The following OR4N2 variants were observed in gnomAD, a reference collection of about 807,000 sequenced individuals.
OR4N2 encodes olfactory receptor family 4 subfamily N member 2.
For missense variants in OR4N2, 307 were observed against 377.6 expected (o/e 0.81, Z 1.55); for synonymous variants, 141 against 140.4 (o/e 1.00, Z -0.03).
intron 1 of OR4N2, among the ~76,000 whole-genome samples, chr14:19,807,968 A>C (rs1879205469): frequency 6.6e-6 from 1 of 152,228 alleles, no homozygotes; most frequent in South Asian, 2.1e-4. Flanking sequence ...ACATAAACAT[A>C]ATAAGAGACA....
chr14:19,813,002 C>T (rs1344504945), intron 1 of OR4N2, among the ~76,000 whole-genome samples: 1 of 152,142 alleles, frequency 6.6e-6, no homozygotes, highest in East Asian at 1.9e-4. Flanking sequence ...AAAAATCTAT[C>T]CAAGGTGATA....
At chr14:19,815,047 C>T (rs1428287750) in intron 1 of OR4N2, among the ~76,000 whole-genome samples, 1 of 152,150 alleles carries the variant, frequency 6.6e-6, no homozygotes, top group African/African-American at 2.4e-5. Flanking sequence ...TATATGTGAC[C>T]CATTTTCTTT....
intron 1 of OR4N2, among the ~76,000 whole-genome samples, chr14:19,819,867 T>C (rs548280279): frequency 2.2e-3 from 330 of 152,364 alleles, no homozygotes; most frequent in African/African-American, 7.5e-3. Context: ...GTTGGGGTTT[T>C]TGGGTGGACA....
At chr14:19,820,870 T>A (rs1358539002) in intron 1 of OR4N2, among the ~76,000 whole-genome samples, 19 of 152,226 alleles carry the variant, frequency 1.2e-4, no homozygotes, top group Non-Finnish European at 2.9e-5. Context: ...CTGGGCTCCA[T>A]GGGGGTGGGA....
chr14:19,818,142 G>A (rs540986587), intron 1 of OR4N2, among the ~76,000 whole-genome samples: 2 of 152,354 alleles, frequency 1.3e-5, no homozygotes, highest in Admixed American at 6.5e-5. Flanking sequence ...GTGATGTGGT[G>A]CTGAGAAGAA....
chr14:19,823,381 C>T (rs796325717), intron 1 of OR4N2, among the ~76,000 whole-genome samples: 6 of 152,280 alleles, frequency 3.9e-5, no homozygotes, highest in African/African-American at 9.6e-5. Context: ...AGTGACTCAG[C>T]GTTGGCCAAC....
chr14:19,823,137 C>T (rs188956618), intron 1 of OR4N2, among the ~76,000 whole-genome samples: 94 of 152,334 alleles, frequency 6.2e-4, no homozygotes, highest in African/African-American at 2.2e-3. Context: ...TGTTCTCAGC[C>T]TGATTCACAC....
At chr14:19,812,559 C>T (rs1254063233) in intron 1 of OR4N2, among the ~76,000 whole-genome samples, 3 of 152,022 alleles carry the variant, frequency 2.0e-5, no homozygotes, top group Non-Finnish European at 4.4e-5. Context: ...GAGGTTTCAC[C>T]GTGTTAGCCA....
chr14:19,823,442 A>G (rs1157443000), intron 1 of OR4N2, among the ~76,000 whole-genome samples: 3 of 152,254 alleles, frequency 2.0e-5, no homozygotes, highest in Non-Finnish European at 4.4e-5. Flanking sequence ...AGTGAATTAT[A>G]TATTTTCATT....
chr14:19,808,584 G>C (rs1879221919), intron 1 of OR4N2, among the ~76,000 whole-genome samples: 1 of 152,072 alleles, frequency 6.6e-6, no homozygotes, highest in Non-Finnish European at 1.5e-5. Context: ...TGACAGAAAT[G>C]AATGGAAAAA....
chr14:19,825,302 A>G (rs1879665745), intron 1 of OR4N2, among the ~76,000 whole-genome samples: 1 of 152,244 alleles, frequency 6.6e-6, no homozygotes. Context: ...TACATAAAGC[A>G]GATAGTTTTA....
Position 19,828,499 on chromosome 14 carries a change from A to C in OR4N2, c.*127A>C. ...TGTCAGGACTATTCTGGGAACTGAAAAAAGAAATTACTGAGGCAGATAAGG... is the reference window on the plus strand; with the variant it reads ...TGTCAGGACTATTCTGGGAACTGAACAAAGAAATTACTGAGGCAGATAAGG... On this transcript the variant is annotated 3_prime_UTR_variant, in exon 2 of 2. Coordinates refer to ENST00000557677, the MANE Select transcript of OR4N2 (RefSeq NM_001004723.3). The C allele has an allele frequency of 1.0e-6, 1 of 981,998 alleles. No homozygotes were observed. The allele number at this position is 981,998 out of a possible 1,614,324, so 60.8% of individuals were successfully genotyped here.
chr14:19,830,087 C>G lies in OR4N2; in HGVS notation c.*1715C>G, dbSNP rs1452113848. ...CACCTGTGCACCAGATTCCATCCCC[C>G]TCCTCTCTACTAAAGGCAATTACTC... On this transcript the variant is annotated 3_prime_UTR_variant, in exon 2 of 2. Transcript: ENST00000557677. 6.5e-6 allele frequency: 1 copy of G among 152,712 alleles called. No homozygotes were observed. Among genetic ancestry groups the G allele is most frequent in the Non-Finnish European group, 1.5e-5 (1 of 68,414 alleles). The allele number at this position is 152,712 out of a possible 1,614,324, so 9.5% of individuals were successfully genotyped here.
intron 1 of OR4N2, among the ~76,000 whole-genome samples, chr14:19,821,053 G>T (rs1879552693): frequency 6.6e-6 from 1 of 152,264 alleles, no homozygotes; most frequent in South Asian, 2.1e-4. Context: ...CCAAGGCCCT[G>T]GTGGTGTAGG....
chr14:19,816,603 A>T (rs1879433914), intron 1 of OR4N2, among the ~76,000 whole-genome samples: 1 of 152,252 alleles, frequency 6.6e-6, no homozygotes, highest in Non-Finnish European at 1.5e-5. Context: ...GGCTAAGAAG[A>T]TGGGATTTTC....
chr14:19,809,452 C>G (rs1166106864), intron 1 of OR4N2, among the ~76,000 whole-genome samples: 1 of 152,130 alleles, frequency 6.6e-6, no homozygotes, highest in Non-Finnish European at 1.5e-5. Flanking sequence ...GCTATGATTC[C>G]AAACAAAGGT....
intron 1 of OR4N2, among the ~76,000 whole-genome samples, chr14:19,811,259 T>G (rs564422619): frequency 1.3e-5 from 2 of 152,342 alleles, no homozygotes; most frequent in African/African-American, 2.4e-5. Flanking sequence ...TTATTTTTAT[T>G]TTTTTGAGAT....
chr14:19,809,600 TATACTATAAGGCTAC>T (rs1879247579), intron 1 of OR4N2, among the ~76,000 whole-genome samples: 1 of 152,166 alleles, frequency 6.6e-6, no homozygotes, highest in Admixed American at 6.5e-5. Context: ...AACCTCAAAC[TATACTATAAGGCTAC>T]AGTAACCAAA....
rs1879772583 is a variant in OR4N2 at position 19,828,198 on chromosome 14, G to A, written c.750G>A (p.Met250Ile). 2 of 1,613,692 alleles carry A rather than the reference G, an allele frequency of 1.2e-6. No individual in the cohort carries two copies. Among genetic ancestry groups the A allele is most frequent in the African/African-American group, 2.7e-5 (2 of 74,766 alleles). Residue 250 changes from methionine (M) to isoleucine (I), a missense_variant, in exon 2 of 2, where the codon ATG becomes ATA. By Grantham distance (10) the Met-to-Ile change is conservative. Transcript: ENST00000557677. ...CITHIIVIFF[M>I]FGPGIFIYTR... ...CCCATATCATTGTTATATTCTTCAT[G>A]TTTGGACCTGGCATCTTCATCTACA... is the stretch of plus-strand genomic sequence containing the variant.
Sources: gnomAD v4.1 joint callset for allele counts (sites outside exome capture counted in the v4.1 genomes callset) on GRCh38, gnomAD v4.1.1 for gene constraint, MANE v1.5 for transcripts, NCBI Gene and HGNC (gene_info 2026-07-23, HGNC 2026-07-21) for gene names.